TMEFF1: variants seen among roughly 807,000 people sequenced by gnomAD.
TMEFF1 encodes the protein transmembrane protein with EGF like and two follistatin like domains 1.
In TMEFF1, 20 loss-of-function variants were observed where a neutral mutation model predicts 47.5. That is an observed-to-expected ratio of 0.42 (90% CI 0.30 to 0.61). TMEFF1 has a LOEUF of 0.61. Ranked by LOEUF, TMEFF1 falls within the 20% of genes least tolerant of loss-of-function variation. The probability of loss-of-function intolerance (pLI) is 0.19; values close to 1 mark genes in which losing one functional copy is unlikely to be tolerated. For missense variants in TMEFF1, 411 were observed against 471.1 expected, an observed-to-expected ratio of 0.87 and a Z score of 1.18; for synonymous variants, 162 against 166.3, an observed-to-expected ratio of 0.97 and a Z score of 0.20.
intron 5 of TMEFF1, among the ~76,000 whole-genome samples, chr9:100,545,709 G>A (rs758191120): frequency 1.3e-5 from 2 of 152,102 alleles, no homozygotes; most frequent in South Asian, 4.1e-4. Context: ...CCGAACTTTT[G>A]TGCTTTGCTT....
At chr9:100,576,425 C>T in intron 9 of TMEFF1, 91 bp from the exon 10 acceptor site, 3 of 1,502,244 alleles carry the variant, frequency 2.0e-6, no homozygotes, top group Middle Eastern at 2.1e-4. Flanking sequence ...GCTTTATGTG[C>T]AAAATGTGTA....
intron 3 of TMEFF1, among the ~76,000 whole-genome samples, chr9:100,510,589 T>A (rs1837943364): frequency 6.6e-6 from 1 of 152,010 alleles, no homozygotes; most frequent in Admixed American, 6.6e-5. Flanking sequence ...CCCACCTCCG[T>A]CTCCTGAGTA....
intron 1 of TMEFF1, among the ~76,000 whole-genome samples, chr9:100,477,764 C>A (rs1837263204): frequency 6.6e-6 from 1 of 151,502 alleles, no homozygotes; most frequent in Non-Finnish European, 1.5e-5. Flanking sequence ...GTAGCTGGGA[C>A]TACAGGCGCA....
chr9:100,559,852 A>G (rs1587855618), intron 7 of TMEFF1, among the ~76,000 whole-genome samples: 2 of 152,294 alleles, frequency 1.3e-5, no homozygotes, highest in East Asian at 3.9e-4. Context: ...TTAAATTAGC[A>G]CAATGTAAAT....
chr9:100,473,359 G>A lies in TMEFF1; in HGVS notation c.-186G>A, dbSNP rs892501696. 1 of 329,656 alleles carries A rather than the reference G, an allele frequency of 3.0e-6. No individual in the cohort carries two copies. The allele number at this position is 329,656 out of a possible 1,614,324, so 20.4% of individuals were successfully genotyped here. On this transcript the variant is annotated 5_prime_UTR_variant, in exon 1 of 10. Transcript: ENST00000374879. This position sits in a 1 kb window ranked among gnomAD's most constrained non-coding sequence, Gnocchi z 5.4. ...GCACGCGCCCGGACCCGCCGACTCC[G>A]TCCCGAGCGCCGCGGGCCCGGGCCT...
chr9:100,547,183 GT>G (rs1330039841), intron 5 of TMEFF1, among the ~76,000 whole-genome samples: 1 of 151,906 alleles, frequency 6.6e-6, no homozygotes, highest in Non-Finnish European at 1.5e-5. Flanking sequence ...GCCTGGCTAA[GT>G]TTTTTATTTT....
intron 5 of TMEFF1, among the ~76,000 whole-genome samples, chr9:100,530,005 A>C (rs1298326202): frequency 6.6e-6 from 1 of 152,090 alleles, no homozygotes; most frequent in African/African-American, 2.4e-5. Flanking sequence ...TGGGTACATA[A>C]CGAAATGAAG....
chr9:100,529,938 C>G (rs1005734502), intron 5 of TMEFF1, among the ~76,000 whole-genome samples: 2 of 152,126 alleles, frequency 1.3e-5, no homozygotes, highest in African/African-American at 4.8e-5. Flanking sequence ...GATTAAGAAT[C>G]TCACTCAAAA....
chr9:100,522,430 CTTTTTTTTTTTTTTTT>C (rs869111876), intron 5 of TMEFF1, among the ~76,000 whole-genome samples: 1 of 69,650 alleles, frequency 1.4e-5, no homozygotes, highest in Non-Finnish European at 2.6e-5. Flanking sequence ...GAAATATCTT[CTTTTTTTTTTTTTTTT>C]TTTTTTTTTG....
At chr9:100,548,210 G>A (rs1221966265) in intron 6 of TMEFF1, among the ~76,000 whole-genome samples, 2 of 151,888 alleles carry the variant, frequency 1.3e-5, no homozygotes, top group Non-Finnish European at 2.9e-5. Context: ...CTATTTAAGA[G>A]TTAGATAACT....
At chr9:100,497,318 G>GTTTTTTTTTTTTTT (rs1328828062) in intron 1 of TMEFF1, among the ~76,000 whole-genome samples, 10 of 84,866 alleles carry the variant, frequency 1.2e-4, no homozygotes, top group South Asian at 4.9e-4. Flanking sequence ...TTCCACTCAT[G>GTTTTTTTTTTTTTT]TCTTTTTTTT....
At chr9:100,502,121 T>C (rs1246402821) in intron 2 of TMEFF1, among the ~76,000 whole-genome samples, 1 of 152,218 alleles carries the variant, frequency 6.6e-6, no homozygotes, top group Non-Finnish European at 1.5e-5. Flanking sequence ...ATTTGTTTAA[T>C]TCCCCTTTTA....
At chr9:100,573,303 G>A (rs1370095078) in intron 9 of TMEFF1, among the ~76,000 whole-genome samples, 5 of 152,138 alleles carry the variant, frequency 3.3e-5, no homozygotes, top group Admixed American at 2.0e-4. Context: ...ATATCATGGT[G>A]TTAACATTAC....
At chr9:100,507,696 T>C (rs370126614) in intron 2 of TMEFF1, among the ~76,000 whole-genome samples, 5 of 152,278 alleles carry the variant, frequency 3.3e-5, no homozygotes, top group African/African-American at 1.2e-4. Flanking sequence ...TTTAATGGAA[T>C]TATTTGCCTT....
At chr9:100,534,902 C>T (rs1246054833) in intron 5 of TMEFF1, among the ~76,000 whole-genome samples, 1 of 152,170 alleles carries the variant, frequency 6.6e-6, no homozygotes, top group Non-Finnish European at 1.5e-5. Context: ...ACTGCCATCC[C>T]AGTTTTGCCC....
Position 100,515,200 on chromosome 9 carries a change from T to A in TMEFF1, c.464-1475T>A, listed in dbSNP as rs183475696. On this transcript the variant is annotated intron_variant, in intron 4 of 9. Coordinates refer to ENST00000374879, the MANE Select transcript of TMEFF1 (RefSeq NM_003692.5). ...CCCTGAGGATGTAGGTTGACCATTT[T>A]TAAAAAATTTTTTTTTGAGAGCATG... Among the ~76,000 whole-genome samples, 386 of 152,200 alleles carry A rather than the reference T, an allele frequency of 2.5e-3. 2 individuals are homozygous for A. Among genetic ancestry groups the A allele is most frequent in the South Asian group, 0.018 (85 of 4,806 alleles).
intron 1 of TMEFF1, among the ~76,000 whole-genome samples, chr9:100,476,263 T>G (rs1837225986): frequency 6.6e-6 from 1 of 152,188 alleles, no homozygotes; most frequent in Non-Finnish European, 1.5e-5. Flanking sequence ...AAAAATTTTT[T>G]TAGTTGGTAA....
intron 4 of TMEFF1, among the ~76,000 whole-genome samples, chr9:100,516,386 G>T (rs1838074401): frequency 6.6e-6 from 1 of 152,108 alleles, no homozygotes; most frequent in South Asian, 2.1e-4. Context: ...GTGTTATATG[G>T]TAATTTTTCT....
At chr9:100,490,718 A>G (rs1050128060) in intron 1 of TMEFF1, among the ~76,000 whole-genome samples, 7 of 148,722 alleles carry the variant, frequency 4.7e-5, no homozygotes, top group Admixed American at 2.0e-4. Flanking sequence ...TTTTTTCCCC[A>G]TTAAATAATA....
Sources: allele counts gnomAD v4.1 joint callset (sites outside exome capture counted in the v4.1 genomes callset), GRCh38; gene constraint gnomAD v4.1.1; non-coding constraint Gnocchi (gnomAD v3.1); transcripts MANE v1.5; gene names NCBI Gene and HGNC (gene_info 2026-07-23, HGNC 2026-07-21).